The following SLC4A10 variants were observed in gnomAD, a reference collection of about 807,000 sequenced individuals.
SLC4A10 encodes the protein solute carrier family 4 member 10.
A neutral mutation model predicts 137.7 loss-of-function variants in SLC4A10; 42 were observed. The ratio of observed to expected loss-of-function variants is 0.30; its 90% CI spans 0.24 to 0.39. The LOEUF (loss-of-function observed/expected upper bound fraction) is 0.39. Ranked by LOEUF, SLC4A10 falls within the 10% of genes least tolerant of loss-of-function variation. The pLI is 1.00. For missense variants in SLC4A10, 925 were observed against 1,355.0 expected (o/e 0.68, Z 4.98); for synonymous variants, 474 against 464.1 (o/e 1.02, Z -0.27).
intron 12 of SLC4A10, chr2:161,901,898 T>C: frequency 2.6e-6 from 1 of 384,362 alleles, no homozygotes; most frequent in Non-Finnish European, 5.0e-6. Flanking sequence ...TTCTGTTTGC[T>C]TTCATACTTT....
intron 1 of SLC4A10, among the ~76,000 whole-genome samples, chr2:161,739,961 G>A (rs912909626): frequency 1.3e-5 from 2 of 152,070 alleles, no homozygotes; most frequent in East Asian, 3.9e-4. Context: ...CCTTATATGG[G>A]CATCCCTTCA....
intron 4 of SLC4A10, among the ~76,000 whole-genome samples, chr2:161,850,997 G>A (rs1236358201): frequency 6.6e-6 from 1 of 151,900 alleles, no homozygotes; most frequent in African/African-American, 2.4e-5. Context: ...AGGTTGTTTA[G>A]TTTCCATGTA....
chr2:161,756,097 T>C (rs1170441473), intron 1 of SLC4A10, among the ~76,000 whole-genome samples: 3 of 152,180 alleles, frequency 2.0e-5, no homozygotes, highest in Admixed American at 2.0e-4. Flanking sequence ...AATGTCATTT[T>C]AAAAGTATGC....
intron 7 of SLC4A10, 68 bp downstream of exon 7, chr2:161,872,452 G>C: frequency 8.1e-7 from 1 of 1,238,660 alleles, no homozygotes; most frequent in Non-Finnish European, 1.2e-6. Context: ...CCCATTTTAA[G>C]AGGTGTTGAC....
rs150802802 is a variant in SLC4A10, at chr2:161,711,590, C to T, written c.49-59383C>T. Among the ~76,000 whole-genome samples, 159 of 151,880 alleles carry T rather than the reference C, an allele frequency of 1.0e-3. 2 individuals carry two copies. In the East Asian group the frequency reaches 0.025, roughly 24 times the overall value. ...TGCAGGAAGGTGGGTGGAGAAGATG[C>T]AAAGCCCTTGTTTCCCCAGAATCCC... On this transcript the variant is annotated intron_variant, in intron 1 of 26. Transcript: ENST00000446997.
In SLC4A10 at chr2:161,783,298, C is replaced by T. The variant is rs867482623; in HGVS notation, c.130+12244C>T. On this transcript the variant is annotated intron_variant, in intron 2 of 26. Transcript: ENST00000446997. ...TTCAATCATGAAAGAGAGATAAAGT[C>T]TTTTCCAGACAAACAAAAACTAAGG... Among the ~76,000 whole-genome samples the T allele has an allele frequency of 2.6e-5, 4 of 151,972 alleles. No individual in the cohort carries two copies. The East Asian group carries it at 7.8e-4, about 29-fold the overall frequency.
chr2:161,730,775 C>T (rs1314325327), intron 1 of SLC4A10, among the ~76,000 whole-genome samples: 1 of 152,104 alleles, frequency 6.6e-6, no homozygotes, highest in Non-Finnish European at 1.5e-5. Context: ...TAATCAGAAC[C>T]ACATCTCAAG....
intron 1 of SLC4A10, among the ~76,000 whole-genome samples, chr2:161,640,988 A>T (rs2035238717): frequency 6.6e-6 from 1 of 152,154 alleles, no homozygotes; most frequent in African/African-American, 2.4e-5. Context: ...ATAAGGTATA[A>T]GTCTCCAGCC....
At chr2:161,624,981 C>T (rs1366737939) in intron 1 of SLC4A10, among the ~76,000 whole-genome samples, 5 of 151,898 alleles carry the variant, frequency 3.3e-5, no homozygotes, top group Admixed American at 6.6e-5. Flanking sequence ...TGCCTCATCC[C>T]CAGGCAGTGA....
At chr2:161,825,195 A>T (rs1025243921) in intron 3 of SLC4A10, among the ~76,000 whole-genome samples, 1 of 152,136 alleles carries the variant, frequency 6.6e-6, no homozygotes. Context: ...TTATATACAG[A>T]TTTTCAGCTG....
At chr2:161,791,558 A>T (rs1021021614) in intron 2 of SLC4A10, among the ~76,000 whole-genome samples, 2 of 152,132 alleles carry the variant, frequency 1.3e-5, no homozygotes, top group African/African-American at 4.8e-5. Context: ...CTGTGCAGCA[A>T]ACCACCGTGG....
At chr2:161,681,928 A>G (rs1484851422) in intron 1 of SLC4A10, among the ~76,000 whole-genome samples, 1 of 151,806 alleles carries the variant, frequency 6.6e-6, no homozygotes, top group Non-Finnish European at 1.5e-5. Context: ...TGATATTTCT[A>G]TTTTTGTCTA....
intron 3 of SLC4A10, among the ~76,000 whole-genome samples, chr2:161,836,814 A>G (rs2058848758): frequency 6.6e-6 from 1 of 152,186 alleles, no homozygotes; most frequent in Non-Finnish European, 1.5e-5. Flanking sequence ...AAAATATTCT[A>G]ATAGTAGCCA....
intron 2 of SLC4A10, among the ~76,000 whole-genome samples, chr2:161,774,458 C>G (rs1445008785): frequency 6.6e-6 from 1 of 151,798 alleles, no homozygotes. Flanking sequence ...CACCAATATT[C>G]CCCTTTGAGG....
intron 11 of SLC4A10, among the ~76,000 whole-genome samples, chr2:161,897,116 T>A (rs1363836545): frequency 6.6e-6 from 1 of 152,156 alleles, no homozygotes; most frequent in Non-Finnish European, 1.5e-5. Flanking sequence ...TTTTTGTGAA[T>A]GTATGATATA....
At chr2:161,981,311 A>G (rs992902526) in intron 26 of SLC4A10, among the ~76,000 whole-genome samples, 2 of 152,236 alleles carry the variant, frequency 1.3e-5, no homozygotes, top group Non-Finnish European at 2.9e-5. Context: ...ACAATCTCCT[A>G]CATATAGGAT....
intron 25 of SLC4A10, chr2:161,977,239 G>T: frequency 2.9e-6 from 1 of 345,666 alleles, no homozygotes; most frequent in Non-Finnish European, 5.7e-6. Flanking sequence ...AGACTGATAT[G>T]CACTGTGTGT....
In SLC4A10 at chr2:161,984,891, T is replaced by G. The variant is rs757668631; in HGVS notation, c.*1739T>G. 8.5e-5 allele frequency: 13 copies of G among 152,066 alleles called. No homozygotes were observed. Among genetic ancestry groups the G allele is most frequent in the Non-Finnish European group, 1.8e-4 (12 of 67,922 alleles). 9.4% of individuals were successfully genotyped at this position (152,066 alleles called of 1,614,324 possible). On this transcript the variant is annotated 3_prime_UTR_variant, in exon 27 of 27. Transcript: ENST00000446997. ...TCCCCAAAGCAGCCTCTTAGTGTTT[T>G]AATATATTAATAACTGTTTTGTTAA...
intron 2 of SLC4A10, among the ~76,000 whole-genome samples, chr2:161,794,640 A>G (rs1161136859): frequency 1.3e-5 from 2 of 152,158 alleles, no homozygotes. Context: ...CATTGTCAGC[A>G]ACTAGAAAAA....
Sources: gnomAD v4.1 joint callset for allele counts (sites outside exome capture counted in the v4.1 genomes callset) on GRCh38, gnomAD v4.1.1 for gene constraint, MANE v1.5 for transcripts, NCBI Gene and HGNC (gene_info 2026-07-23, HGNC 2026-07-21) for gene names.